SUCLG2: variants seen among roughly 807,000 people sequenced by gnomAD.
The protein encoded by SUCLG2 is succinate--CoA ligase [GDP-forming] subunit beta, mitochondrial.
In SUCLG2, 42 loss-of-function variants were observed where a neutral mutation model predicts 47.9. The ratio of observed to expected loss-of-function variants is 0.88; its 90% CI spans 0.69 to 1.14. The LOEUF is 1.14. Ranked by LOEUF, SUCLG2 falls within the 50% of genes most tolerant of loss-of-function variation. SUCLG2 has a pLI of 0.00. For synonymous variants in SUCLG2, 195 were observed against 197.3 expected (o/e 0.99, Z 0.10); for missense variants, 571 against 525.9 (o/e 1.09, Z -0.84).
At chr3:67,596,299 C>CT (rs1259691962) in intron 2 of SUCLG2, among the ~76,000 whole-genome samples, 2 of 152,148 alleles carry the variant, frequency 1.3e-5, no homozygotes, top group Non-Finnish European at 2.9e-5. Context: ...ACAGTTATTA[C>CT]TTCTCTGTTT....
At chr3:67,409,801 C>T (rs1451686090) in intron 9 of SUCLG2, among the ~76,000 whole-genome samples, 1 of 151,910 alleles carries the variant, frequency 6.6e-6, no homozygotes, top group Non-Finnish European at 1.5e-5. Flanking sequence ...ACTTCCAGCT[C>T]TAAATAGAAT....
chr3:67,422,929 G>T (rs1280696851), intron 9 of SUCLG2, among the ~76,000 whole-genome samples: 1 of 152,188 alleles, frequency 6.6e-6, no homozygotes, highest in East Asian at 1.9e-4. Flanking sequence ...CTGGACCTGA[G>T]AATGGAAGGT....
intron 2 of SUCLG2, among the ~76,000 whole-genome samples, chr3:67,586,833 G>C (rs1387126570): frequency 6.6e-6 from 1 of 152,120 alleles, no homozygotes; most frequent in Non-Finnish European, 1.5e-5. Flanking sequence ...TGACATGAAA[G>C]GGATCTCAAC....
Position 67,654,508 on chromosome 3 carries a change from A to AG in SUCLG2, c.78_79insC (p.Ser27LeufsTer25). 4 of 1,240,774 alleles carry AG rather than the reference A, an allele frequency of 3.2e-6. No homozygotes were observed. Among genetic ancestry groups the AG allele is most frequent in the Middle Eastern group, 3.0e-4 (1 of 3,296 alleles). 76.9% of individuals were successfully genotyped at this position (1,240,774 alleles called of 1,614,324 possible). The stretch of plus-strand genomic sequence containing the variant: ...GCTCCTGCCCCCACGCTCACCTGGG[A>AG]CCCGGCCGCCAGGAAGCGGGGCCGC... On this transcript the variant is annotated frameshift_variant, in exon 1 of 11. Transcript: ENST00000307227. LOFTEE classifies it high-confidence loss of function.
intron 1 of SUCLG2, among the ~76,000 whole-genome samples, chr3:67,623,369 C>T (rs1042023008): frequency 6.6e-6 from 1 of 152,012 alleles, no homozygotes. Context: ...GGCGTGATGG[C>T]GGGTGCCTGT....
At position 67,447,936 on chromosome 3, in the gene SUCLG2, C is replaced by T. The variant is rs141949586; in HGVS notation, c.1063-47085G>A. Among the ~76,000 whole-genome samples the T allele has an allele frequency of 4.3e-3, 652 of 152,244 alleles. 4 individuals are homozygous for T. Among genetic ancestry groups the T allele is most frequent in the African/African-American group, 0.015 (627 of 41,522 alleles). On this transcript the variant is annotated intron_variant, in intron 9 of 10. Transcript: ENST00000307227. ...TAGAGACAGGGTTTTGCCATGTTGG[C>T]CAGGCTGGTCTCAAACTCCTGACCT... is the stretch of plus-strand genomic sequence containing the variant.
intron 9 of SUCLG2, among the ~76,000 whole-genome samples, chr3:67,403,406 G>A (rs1000500312): frequency 4.6e-5 from 7 of 152,174 alleles, no homozygotes; most frequent in East Asian, 1.9e-4. Context: ...GCATAATCAC[G>A]TAAAAATAAT....
At chr3:67,616,951 G>C (rs1220276870) in intron 1 of SUCLG2, among the ~76,000 whole-genome samples, 2 of 152,180 alleles carry the variant, frequency 1.3e-5, no homozygotes, top group Non-Finnish European at 2.9e-5. Flanking sequence ...TACAGGCATG[G>C]CAATGAAGGC....
intron 9 of SUCLG2, among the ~76,000 whole-genome samples, chr3:67,457,617 A>AT (rs1704217278): frequency 6.8e-6 from 1 of 147,850 alleles, no homozygotes; most frequent in Admixed American, 6.8e-5. Flanking sequence ...AAATTATTTC[A>AT]TTTTTTAAAA....
intron 2 of SUCLG2, among the ~76,000 whole-genome samples, chr3:67,604,771 AAG>A (rs1423635516): frequency 6.6e-6 from 1 of 152,222 alleles, no homozygotes; most frequent in African/African-American, 2.4e-5. Context: ...GGCACAAAGA[AAG>A]AGATCTGCGA....
At chr3:67,644,162 G>A (rs2107374930) in intron 1 of SUCLG2, among the ~76,000 whole-genome samples, 1 of 152,082 alleles carries the variant, frequency 6.6e-6, no homozygotes, top group South Asian at 2.1e-4. Flanking sequence ...TTAACATAAG[G>A]TATACCTCCA....
intron 9 of SUCLG2, among the ~76,000 whole-genome samples, chr3:67,428,415 G>A (rs1703364964): frequency 6.6e-6 from 1 of 152,146 alleles, no homozygotes; most frequent in Non-Finnish European, 1.5e-5. Context: ...CAAACAGAAA[G>A]GACATCCACA....
chr3:67,461,186 A>C (rs1464086481), intron 9 of SUCLG2, among the ~76,000 whole-genome samples: 1 of 152,188 alleles, frequency 6.6e-6, no homozygotes, highest in African/African-American at 2.4e-5. Flanking sequence ...CTCTGAGATA[A>C]AGAAAACTGA....
intron 10 of SUCLG2, among the ~76,000 whole-genome samples, chr3:67,365,113 A>G (rs147389309): frequency 6.6e-6 from 1 of 152,336 alleles, no homozygotes; most frequent in African/African-American, 2.4e-5. Flanking sequence ...AATTTGAACA[A>G]TGCAGAGAAA....
At chr3:67,596,042 T>C (rs1708285604) in intron 2 of SUCLG2, among the ~76,000 whole-genome samples, 1 of 152,254 alleles carries the variant, frequency 6.6e-6, no homozygotes, top group Non-Finnish European at 1.5e-5. Flanking sequence ...TTCTGGTGTA[T>C]ACATCATTCT....
chr3:67,592,718 C>CAAAAAAAAAAAAAAA lies in SUCLG2; in HGVS notation c.226+16722_226+16736dup, dbSNP rs754866312. Among the ~76,000 whole-genome samples, 8 of 80,262 alleles carry CAAAAAAAAAAAAAAA rather than the reference C, an allele frequency of 1.0e-4. 2 individuals are homozygous for CAAAAAAAAAAAAAAA. The highest frequency in any genetic ancestry group is 4.2e-4 in the African/African-American group (7 of 16,778). The allele number at this position is 80,262 out of a possible 152,430, so 52.7% of individuals were successfully genotyped here. On this transcript the variant is annotated intron_variant, in intron 2 of 10. Transcript: ENST00000307227. ...AAGCATATGTAACTCTCACATCCTC[C>CAAAAAAAAAAAAAAA]AAAAAAAAAAAAAAAAAACAACAAA...
intron 9 of SUCLG2, among the ~76,000 whole-genome samples, chr3:67,408,358 GA>G (rs1271441900): frequency 6.6e-6 from 1 of 152,146 alleles, no homozygotes; most frequent in Non-Finnish European, 1.5e-5. Context: ...TAATTTTAGT[GA>G]GTCCACGATC....
At chr3:67,606,264 A>C (rs559389072) in intron 2 of SUCLG2, among the ~76,000 whole-genome samples, 63 of 152,246 alleles carry the variant, frequency 4.1e-4, no homozygotes, top group African/African-American at 1.5e-3. Context: ...CAACCACAAT[A>C]CAATGGCTAA....
At chr3:67,595,134 C>A (rs1177286208) in intron 2 of SUCLG2, among the ~76,000 whole-genome samples, 1 of 152,014 alleles carries the variant, frequency 6.6e-6, no homozygotes, top group East Asian at 1.9e-4. Flanking sequence ...AGTTATACTT[C>A]CATACTACTG....
Sources: allele counts gnomAD v4.1 joint callset (sites outside exome capture counted in the v4.1 genomes callset), GRCh38; gene constraint gnomAD v4.1.1; transcripts MANE v1.5; gene names NCBI Gene and HGNC (gene_info 2026-07-23, HGNC 2026-07-21).